CCDC92: variants seen among roughly 807,000 people sequenced by gnomAD.
CCDC92 encodes the protein coiled-coil domain-containing protein 92.
Under a neutral mutation model 24.9 loss-of-function variants are expected in CCDC92, and 12 were observed. The observed-to-expected ratio is 0.48, with a 90% CI of 0.31 to 0.78. CCDC92 has a LOEUF of 0.78. CCDC92 is among the 30% of genes least tolerant of loss of function. The pLI is 0.05. For missense variants in CCDC92, 399 were observed against 439.4 expected, an observed-to-expected ratio of 0.91 and a Z score of 0.82; for synonymous variants, 193 against 196.3, an observed-to-expected ratio of 0.98 and a Z score of 0.14.
Position 123,972,634 on chromosome 12 carries a change from G to GCGGGCGGGGCTGCCTGGGCT in CCDC92, c.-185_-166dup, listed in dbSNP as rs1420028351. 2.2e-5 allele frequency: 3 copies of GCGGGCGGGGCTGCCTGGGCT among 137,222 alleles called. No individual in the cohort carries two copies. Among genetic ancestry groups the GCGGGCGGGGCTGCCTGGGCT allele is most frequent in the African/African-American group, 9.7e-5 (3 of 30,814 alleles). 8.5% of individuals were successfully genotyped at this position (137,222 alleles called of 1,614,324 possible). On this transcript the variant is annotated 5_prime_UTR_variant, in exon 1 of 5. Transcript: ENST00000238156. Reference sequence around the variant, plus strand: ...TGGCCCATGGGCTGGGCGGGGCGCGGCGGGCGGGGCTGCCTGGGCTCGGGC... The same window carrying GCGGGCGGGGCTGCCTGGGCT: ...TGGCCCATGGGCTGGGCGGGGCGCGGCGGGCGGGGCTGCCTGGGCTCGGGCGGGGCTGCCTGGGCTCGGGC...
At chr12:123,949,989 C>T (rs760964684) in intron 1 of CCDC92, among the ~76,000 whole-genome samples, 3 of 152,224 alleles carry the variant, frequency 2.0e-5, no homozygotes, top group Non-Finnish European at 4.4e-5. Flanking sequence ...CCATGGACCA[C>T]CTGACTTGCC....
At chr12:123,947,765 T>C (rs1955915696) in intron 1 of CCDC92, among the ~76,000 whole-genome samples, 1 of 151,884 alleles carries the variant, frequency 6.6e-6, no homozygotes, top group Non-Finnish European at 1.5e-5. Flanking sequence ...GATAAGAAAA[T>C]AAAAGCAGGC....
At chr12:123,950,466 G>A (rs540650224) in intron 1 of CCDC92, among the ~76,000 whole-genome samples, 2 of 152,338 alleles carry the variant, frequency 1.3e-5, no homozygotes, top group African/African-American at 4.8e-5. Flanking sequence ...ACTCTTGCTC[G>A]TAATACCAGC....
At chr12:123,963,634 T>C (rs891262683) in intron 1 of CCDC92, among the ~76,000 whole-genome samples, 2 of 152,212 alleles carry the variant, frequency 1.3e-5, no homozygotes, top group African/African-American at 4.8e-5. Flanking sequence ...ATTTTGCTTT[T>C]CTTCTATGAA....
At chr12:123,959,392 C>T (rs2138120854) in intron 1 of CCDC92, among the ~76,000 whole-genome samples, 1 of 152,126 alleles carries the variant, frequency 6.6e-6, no homozygotes, top group East Asian at 1.9e-4. Context: ...GCAACCTCGA[C>T]CTCCTGGGTT....
chr12:123,943,508 G>C lies in CCDC92; in HGVS notation c.35-15C>G, dbSNP rs766583784. Reference sequence around the variant, plus strand: ...ATCCAGAGGACCTGTGGGTAACACAGACCCTGGCTGCGGTGCCTGAAGAGG... The same window carrying C: ...ATCCAGAGGACCTGTGGGTAACACACACCCTGGCTGCGGTGCCTGAAGAGG... On this transcript the variant is annotated splice_polypyrimidine_tract_variant and intron_variant, in intron 2 of 4. Transcript: ENST00000238156. 22 of 1,613,700 alleles carry C rather than the reference G, an allele frequency of 1.4e-5. No homozygotes were observed. The highest frequency in any genetic ancestry group is 1.7e-5 in the Non-Finnish European group (20 of 1,179,910).
At position 123,943,648 on chromosome 12, in the gene CCDC92, A is replaced by G. The variant is rs1342504018; in HGVS notation, c.35-155T>C. The G allele has an allele frequency of 3.8e-6, 3 of 781,730 alleles. No homozygotes were observed. In the Admixed American group the frequency reaches 7.4e-5, roughly 19 times the overall value. The allele number at this position is 781,730 out of a possible 1,614,324, so 48.4% of individuals were successfully genotyped here. ...GGCAGGGTGTGGGGGCACCAGGGCT[A>G]CATTCCCATCACTGCAGGGAGGCCC... On this transcript the variant is annotated intron_variant, in intron 2 of 4. Transcript: ENST00000238156.
chr12:123,951,682 CGTT>C (rs1956029841), intron 1 of CCDC92, among the ~76,000 whole-genome samples: 1 of 152,222 alleles, frequency 6.6e-6, no homozygotes, highest in Non-Finnish European at 1.5e-5. Context: ...AGTGTCTCCA[CGTT>C]TGTGCACAAG....
At position 123,937,917 on chromosome 12, in the gene CCDC92, G is replaced by C; in HGVS notation, c.224-87C>G. The C allele has an allele frequency of 1.5e-6, 2 of 1,372,560 alleles. No homozygotes were observed. The highest frequency in any genetic ancestry group is 2.0e-6 in the Non-Finnish European group (2 of 1,010,024). 85.0% of individuals were successfully genotyped at this position (1,372,560 alleles called of 1,614,324 possible). A position where few individuals can be genotyped will look rare whatever the true frequency, so the allele number is the denominator to read the frequency against. ...CCTATGGGGCAGGCGGACCTGTCTG[G>C]TGGGGGCCCTGTCTAGGCTGTGGGG... is the stretch of plus-strand genomic sequence containing the variant. On this transcript the variant is annotated intron_variant, in intron 4 of 4. Coordinates refer to ENST00000238156, the MANE Select transcript of CCDC92 (RefSeq NM_025140.3). This position sits in a 1 kb window ranked among gnomAD's most constrained non-coding sequence, Gnocchi z 8.4.
At chr12:123,954,764 TGTGTC>T (rs1956111559) in intron 1 of CCDC92, among the ~76,000 whole-genome samples, 1 of 152,260 alleles carries the variant, frequency 6.6e-6, no homozygotes, top group South Asian at 2.1e-4. Flanking sequence ...TCCTACCATC[TGTGTC>T]GTGTGGTGCC....
chr12:123,965,973 A>T (rs1956383877), intron 1 of CCDC92: 1 of 152,226 alleles, frequency 6.6e-6, no homozygotes, highest in Non-Finnish European at 1.5e-5. Context: ...TATTCACATT[A>T]GTTTTATTCA....
intron 4 of CCDC92, among the ~76,000 whole-genome samples, chr12:123,938,882 A>G (rs1340679154): frequency 6.6e-6 from 1 of 151,932 alleles, no homozygotes; most frequent in Non-Finnish European, 1.5e-5. Context: ...CTGGCTGCTC[A>G]GTGCTGCCCC....
At chr12:123,968,506 A>G (rs1286864444) in intron 1 of CCDC92, 1 of 152,218 alleles carries the variant, frequency 6.6e-6, no homozygotes, top group South Asian at 2.1e-4. Flanking sequence ...TGAAAAAATA[A>G]ACACTTTTAA....
chr12:123,944,654 G>C (rs770472603), intron 1 of CCDC92: 1 of 220,628 alleles, frequency 4.5e-6, no homozygotes, highest in Non-Finnish European at 8.8e-6. Context: ...AGTTCATAAC[G>C]AACTTCAGAC....
intron 4 of CCDC92, among the ~76,000 whole-genome samples, chr12:123,938,703 A>C (rs1350114712): frequency 1.3e-5 from 2 of 152,172 alleles, no homozygotes; most frequent in Non-Finnish European, 2.9e-5. Flanking sequence ...ATTCAACTTG[A>C]GCATCAGCTC....
At chr12:123,961,796 A>C (rs1956277991) in intron 1 of CCDC92, among the ~76,000 whole-genome samples, 2 of 152,214 alleles carry the variant, frequency 1.3e-5, no homozygotes, top group Non-Finnish European at 2.9e-5. Context: ...TCTAAGGAGC[A>C]GATATTCTTA....
intron 1 of CCDC92, among the ~76,000 whole-genome samples, chr12:123,965,302 A>T (rs1028562970): frequency 6.6e-6 from 1 of 152,250 alleles, no homozygotes; most frequent in Non-Finnish European, 1.5e-5. Context: ...CTAACCACTC[A>T]CAGAAAAGCA....
At chr12:123,960,946 C>T (rs1310244587) in intron 1 of CCDC92, 3 of 152,206 alleles carry the variant, frequency 2.0e-5, no homozygotes, top group South Asian at 2.1e-4. Context: ...GCCAGGCAAT[C>T]GATTCTCCTT....
intron 1 of CCDC92, among the ~76,000 whole-genome samples, chr12:123,950,047 C>T (rs1955985757): frequency 6.6e-6 from 1 of 152,212 alleles, no homozygotes; most frequent in Admixed American, 6.5e-5. Context: ...CTCTTGCAAC[C>T]CGCCTCTGGG....
Sources: allele counts gnomAD v4.1 joint callset (sites outside exome capture counted in the v4.1 genomes callset), GRCh38; gene constraint gnomAD v4.1.1; non-coding constraint Gnocchi (gnomAD v3.1); transcripts MANE v1.5; gene names NCBI Gene and HGNC (gene_info 2026-07-23, HGNC 2026-07-21).